The following ATG2A variants were observed in gnomAD, a reference collection of about 807,000 sequenced individuals.
The protein encoded by ATG2A is autophagy-related protein 2 homolog A.
A neutral mutation model predicts 214.2 loss-of-function variants in ATG2A; 103 were observed. The ratio of observed to expected loss-of-function variants is 0.48; its 90% confidence interval spans 0.41 to 0.57. The LOEUF (loss-of-function observed/expected upper bound fraction) is 0.57, where lower values mean the gene tolerates loss of function less well. ATG2A is among the 20% of genes least tolerant of loss of function. The pLI, the probability that ATG2A is intolerant of heterozygous loss-of-function variation, is 0.00. For synonymous variants in ATG2A, 1,160 were observed against 1,142.1 expected (o/e 1.02, Z -0.32); for missense variants, 2,312 against 2,613.2 (o/e 0.88, Z 2.51).
rs1326113665 is a variant in ATG2A at position 64,895,542 on chromosome 11, C to T, written c.5428-100G>A. On this transcript the variant is annotated intron_variant, in intron 39 of 40. Transcript: ENST00000377264. This position sits in a 1 kb window ranked among gnomAD's most constrained non-coding sequence, Gnocchi z 5.0. ...GAGACCCCACCAGCCCTCAGCCTCC[C>T]TGCCTGTCACTGTGCTGGCCTAGGG... 7.6e-7 allele frequency: 1 copy of T among 1,319,004 alleles called. No individual in the cohort carries two copies. Among genetic ancestry groups the T allele is most frequent in the African/African-American group, 1.5e-5 (1 of 67,318 alleles). 81.7% of individuals were successfully genotyped at this position (1,319,004 alleles called of 1,614,324 possible). A position where few individuals can be genotyped will look rare whatever the true frequency, so the allele number is the denominator to read the frequency against.
Position 64,903,451 on chromosome 11 carries a change from G to C in ATG2A, c.3536-87C>G, listed in dbSNP as rs1322684387. 6.5e-7 allele frequency: 1 copy of C among 1,546,656 alleles called. No homozygotes were observed. Among genetic ancestry groups the C allele is most frequent in the Non-Finnish European group, 8.9e-7 (1 of 1,128,602 alleles). ...CTGGGGGAAGGATCCGGTTGATCCA[G>C]GTGTAGTCCCTGCTGTGCGGGCTAC... On this transcript the variant is annotated intron_variant, in intron 25 of 40. Coordinates refer to ENST00000377264, the MANE Select transcript of ATG2A (RefSeq NM_015104.3). This position sits in a 1 kb window ranked among gnomAD's most constrained non-coding sequence, Gnocchi z 4.2.
rs370937641 is a variant in ATG2A, at chr11:64,905,619, C to T, written c.3408G>A (p.Ala1136=). Residue 1136 remains alanine, a synonymous_variant, in exon 24 of 41, where the codon GCG becomes GCA. Transcript: ENST00000377264. ...TGTTGCTGGAGAGAGTGAAGGTCTCCGCGGTGATGAGGACACGCACTGGGA... is the reference window on the plus strand; with the variant it reads ...TGTTGCTGGAGAGAGTGAAGGTCTCTGCGGTGATGAGGACACGCACTGGGA... ...LYLPVRVLIT[A]ETFTLSSNII... 100 of 1,613,576 alleles carry T rather than the reference C, an allele frequency of 6.2e-5. No individual in the cohort carries two copies. The highest frequency in any genetic ancestry group is 1.6e-4 in the Middle Eastern group (1 of 6,064).
rs569894911 is a variant in ATG2A at position 64,917,144 on chromosome 11, C to G, written c.-9G>C. The G allele has an allele frequency of 6.3e-7, 1 of 1,596,474 alleles. No individual in the cohort carries two copies. Among genetic ancestry groups the G allele is most frequent in the East Asian group, 2.3e-5 (1 of 43,764 alleles). On this transcript the variant is annotated 5_prime_UTR_variant, in exon 1 of 41. Coordinates refer to ENST00000377264, the MANE Select transcript of ATG2A (RefSeq NM_015104.3). ...CACAGCCATCGTGACATCTCGGAGA[C>G]CGCCGGGCCTGGGCCGCCTCCGCTT... is the stretch of plus-strand genomic sequence containing the variant.
chr11:64,906,872 C>A, intron 19 of ATG2A, 57 bp from the exon 20 acceptor site: 1 of 1,564,210 alleles, frequency 6.4e-7, no homozygotes. Flanking sequence ...CCCTCAAGCC[C>A]TCTGGGGGTT....
At position 64,898,721 on chromosome 11, in the gene ATG2A, C is replaced by G; in HGVS notation, c.4586G>C (p.Arg1529Pro). The G allele has an allele frequency of 1.2e-6, 2 of 1,614,100 alleles. No homozygotes were observed. Among genetic ancestry groups the G allele is most frequent in the Non-Finnish European group, 1.7e-6 (2 of 1,180,026 alleles). Residue 1529 changes from arginine (R) to proline (P), a missense_variant, in exon 32 of 41, where the codon CGA becomes CCA. Physicochemically the swap from Arg to Pro is moderately radical, Grantham distance 103 (BLOSUM62 -2). Transcript: ENST00000377264. This position sits in a 1 kb window ranked among gnomAD's most constrained non-coding sequence, Gnocchi z 4.5. ...GATCTGGGAGGAGGCGAGCCGGTCT[C>G]GGACCTCCAGCTCCTGCACGATGAA... is the stretch of plus-strand genomic sequence containing the variant. ...QVFIVQELEV[R>P]DRLASSQINK...
chr11:64,898,548 GTA>G lies in ATG2A; in HGVS notation c.4671+86_4671+87del. On this transcript the variant is annotated intron_variant, in intron 32 of 40. Coordinates refer to ENST00000377264, the MANE Select transcript of ATG2A (RefSeq NM_015104.3). This position sits in a 1 kb window ranked among gnomAD's most constrained non-coding sequence, Gnocchi z 4.5. ...CCTGGGTGTTTGTGTGGGAATGCGTGTATGTGTGTGAATCCATGCATGCGTGA... is the reference window on the plus strand; with the variant it reads ...CCTGGGTGTTTGTGTGGGAATGCGTGTGTGTGTGAATCCATGCATGCGTGA... The G allele has an allele frequency of 2.7e-6, 4 of 1,484,800 alleles. No homozygotes were observed. The highest frequency in any genetic ancestry group is 3.7e-6 in the Non-Finnish European group (4 of 1,071,890). 92.0% of individuals were successfully genotyped at this position (1,484,800 alleles called of 1,614,324 possible).
At chr11:64,916,854 G>T in intron 1 of ATG2A, 111 bp downstream of exon 1, 1 of 1,452,822 alleles carries the variant, frequency 6.9e-7, no homozygotes, top group Non-Finnish European at 9.3e-7. Flanking sequence ...AGATTCCCCT[G>T]GCCTCTCTAC....
Position 64,906,550 on chromosome 11 carries a change from T to C in ATG2A, c.2984-17A>G. On this transcript the variant is annotated splice_polypyrimidine_tract_variant and intron_variant, in intron 20 of 40. Transcript: ENST00000377264. ...CCACGGCCGCTGGGGAGGGGTCTCA[T>C]GAGCCCCCTGCCAAGCCAACTGGCT... The C allele has an allele frequency of 6.2e-7, 1 of 1,610,956 alleles. No individual in the cohort carries two copies. Among genetic ancestry groups the C allele is most frequent in the Non-Finnish European group, 8.5e-7 (1 of 1,178,454 alleles).
chr11:64,907,769 A>G lies in ATG2A; in HGVS notation c.2486T>C (p.Val829Ala). 4 of 1,613,208 alleles carry G rather than the reference A, an allele frequency of 2.5e-6. No individual in the cohort carries two copies. In the South Asian group the frequency reaches 3.3e-5, roughly 13 times the overall value. The change falls in exon 17 of 41, where the codon GTC becomes GCC. Residue 829 changes from valine (V) to alanine (A), a missense_variant. Transcript: ENST00000377264. Reference protein sequence around the residue: ...SVHIFLPSKEVYESIYNRINN... With the variant: ...SVHIFLPSKEAYESIYNRINN... ...CCACCTGTTGTAGATGCTCTCGTAG[A>G]CCTCCTTGCTGGGCAGAAAGATGTG...
At chr11:64,915,198 T>C (rs990811086) in intron 1 of ATG2A, among the ~76,000 whole-genome samples, 3 of 135,094 alleles carry the variant, frequency 2.2e-5, no homozygotes, top group Non-Finnish European at 4.7e-5. Context: ...GGCACAAGGC[T>C]GAGCCCCTGG....
Position 64,902,564 on chromosome 11 carries a change from C to G in ATG2A, c.3729G>C (p.Leu1243=). The G allele has an allele frequency of 1.3e-6, 2 of 1,574,036 alleles. No homozygotes were observed. Among genetic ancestry groups the G allele is most frequent in the South Asian group, 1.2e-5 (1 of 86,004 alleles). ...GGCTGGGGGGCCGGGGTGGGGGGTGCAGATCGCCTGTGCTCATTACGTACT... is the reference window on the plus strand; with the variant it reads ...GGCTGGGGGGCCGGGGTGGGGGGTGGAGATCGCCTGTGCTCATTACGTACT... ...LLQYVMSTGD[L]HPPPRPPSPT... is the part of the protein sequence containing the mutation. Residue 1243 remains leucine, a synonymous_variant, in exon 27 of 41, where the codon CTG becomes CTC. Transcript: ENST00000377264.
chr11:64,900,183 C>T (rs968948279), intron 31 of ATG2A, among the ~76,000 whole-genome samples: 1 of 151,960 alleles, frequency 6.6e-6, no homozygotes, highest in Non-Finnish European at 1.5e-5. Flanking sequence ...GCGGCTTTCA[C>T]GCTGTCCTCT....
rs758886854 is a variant in ATG2A at position 64,906,764 on chromosome 11, T to C, written c.2884A>G (p.Met962Val). ...ACGCTGAAGAGGGTACCGTGCTCCA[T>C]GTCCAGCACCAGCTCCCCGTGCACA... ...EAVHGELVLD[M>V]EHGTLFSVSQ... Residue 962 changes from methionine (M) to valine (V), a missense_variant, in exon 20 of 41, where the codon ATG becomes GTG. By Grantham distance (21) the Met-to-Val change is conservative (BLOSUM62 1). Coordinates refer to ENST00000377264, the MANE Select transcript of ATG2A (RefSeq NM_015104.3). 2.7e-5 allele frequency: 43 copies of C among 1,613,322 alleles called. No homozygotes were observed. The South Asian group carries it at 3.6e-4, about 14-fold the overall frequency.
intron 29 of ATG2A, 94 bp from the exon 30 acceptor site, chr11:64,901,186 T>A: frequency 3.0e-6 from 4 of 1,330,910 alleles, no homozygotes; most frequent in Non-Finnish European, 4.1e-6. Flanking sequence ...TTTTTCATTT[T>A]TTTTTTTTTA....
intron 37 of ATG2A, 148 bp from the exon 38 acceptor site, chr11:64,897,017 C>A: frequency 6.4e-6 from 7 of 1,093,918 alleles, no homozygotes; most frequent in African/African-American, 1.6e-5. Flanking sequence ...TGCAGAGGGA[C>A]TGTGTCCTTT....
At position 64,900,922 on chromosome 11, in the gene ATG2A, G is replaced by C. The variant is rs773552288; in HGVS notation, c.4290C>G (p.Leu1430=). 6.4e-7 allele frequency: 1 copy of C among 1,572,858 alleles called. No homozygotes were observed. Among genetic ancestry groups the C allele is most frequent in the South Asian group, 1.2e-5 (1 of 85,832 alleles). ...VLREVSLVWH[L]YGGRDFGPHP... ...GGGGGCCAAAGTCTCGGCCCCCATA[G>C]AGGTGCCAGACGAGGGAGACCTCAC... The change falls in exon 30 of 41, where the codon CTC becomes CTG. Residue 1430 remains leucine, a synonymous_variant. Coordinates refer to ENST00000377264, the MANE Select transcript of ATG2A (RefSeq NM_015104.3).
intron 17 of ATG2A, 23 bp downstream of exon 17, chr11:64,907,725 C>T: frequency 6.2e-7 from 1 of 1,612,104 alleles, no homozygotes; most frequent in South Asian, 1.1e-5. Context: ...TCCAGTCCCG[C>T]CCTGCTGGCC....
intron 1 of ATG2A, among the ~76,000 whole-genome samples, chr11:64,914,920 G>C (rs1944920010): frequency 1.3e-5 from 2 of 151,862 alleles, no homozygotes; most frequent in African/African-American, 4.8e-5. Flanking sequence ...GGGGCCGTGG[G>C]GAAGACGCCT....
In ATG2A at chr11:64,913,509, G is replaced by A. The variant is rs1565073903; in HGVS notation, c.591-108C>T. 7.3e-7 allele frequency: 1 copy of A among 1,377,870 alleles called. No homozygotes were observed. The highest frequency in any genetic ancestry group is 9.6e-7 in the Non-Finnish European group (1 of 1,039,900). The allele number at this position is 1,377,870 out of a possible 1,614,324, so 85.4% of individuals were successfully genotyped here. A position where few individuals can be genotyped will look rare whatever the true frequency, so the allele number is the denominator to read the frequency against. Reference sequence around the variant, plus strand: ...ACGGGGTCAGGGAGCCTAGCCTGCAGAGCTGCCCCATCACACCTAGGCCGT... The same window carrying A: ...ACGGGGTCAGGGAGCCTAGCCTGCAAAGCTGCCCCATCACACCTAGGCCGT... On this transcript the variant is annotated intron_variant, in intron 4 of 40. Coordinates refer to ENST00000377264, the MANE Select transcript of ATG2A (RefSeq NM_015104.3). The surrounding 1 kb of genome is among the most constrained non-coding windows in gnomAD (Gnocchi z 4.3).
Sources: allele counts gnomAD v4.1 joint callset (sites outside exome capture counted in the v4.1 genomes callset), GRCh38; gene constraint gnomAD v4.1.1; non-coding constraint Gnocchi (gnomAD v3.1); transcripts MANE v1.5; gene names NCBI Gene and HGNC (gene_info 2026-07-23, HGNC 2026-07-21).